Variants in TMLHE observed in about 807,000 individuals in gnomAD.
The protein encoded by TMLHE is trimethyllysine hydroxylase, epsilon, also known as trimethyllysine dioxygenase, mitochondrial.
TMLHE carries 18 observed loss-of-function variants against 25.7 expected under a neutral mutation model. The observed-to-expected ratio is 0.70, with a 90% CI of 0.48 to 1.04. TMLHE has a LOEUF of 1.04. Ranked by LOEUF, TMLHE falls within the 50% of genes least tolerant of loss-of-function variation. TMLHE has a pLI of 0.00. For synonymous variants in TMLHE, 105 were observed against 97.0 expected (o/e 1.08, Z -0.49); for missense variants, 236 against 259.0 (o/e 0.91, Z 0.61).
chrX:155,560,509 G>GTTTTTACTCTGATA (rs1557341658), intron 1 of TMLHE, among the ~76,000 whole-genome samples: 4 of 90,741 alleles, frequency 4.4e-5, no homozygotes, highest in African/African-American at 1.1e-4. Context: ...GCAGTGTGCT[G>GTTTTTACTCTGATA]GAAGTTGGAC....
At chrX:155,588,131 G>A (rs782175578) in intron 1 of TMLHE, among the ~76,000 whole-genome samples, 1 of 111,908 alleles carries the variant, frequency 8.9e-6, no homozygotes, top group Non-Finnish European at 1.9e-5. Flanking sequence ...AAACAGCATG[G>A]CATTGGTATA....
intron 1 of TMLHE, among the ~76,000 whole-genome samples, chrX:155,561,504 C>A (rs1411648098): frequency 1.6e-5 from 1 of 61,263 alleles, no homozygotes; most frequent in African/African-American, 3.6e-5. Context: ...TGGCCCCTCA[C>A]AAATCTCATG....
intron 1 of TMLHE, among the ~76,000 whole-genome samples, chrX:155,548,601 GGCACACACCTGTATTCCCA>G (rs1373848515): frequency 9.2e-6 from 1 of 108,645 alleles, no homozygotes; most frequent in Non-Finnish European, 1.9e-5. Flanking sequence ...CGGGTGTGGT[GGCACACACCTGTATTCCCA>G]GCTACTCAGG....
chrX:155,524,045 A>G (rs1397858534), intron 3 of TMLHE, among the ~76,000 whole-genome samples: 1 of 112,034 alleles, frequency 8.9e-6, no homozygotes. Context: ...CGGTTTTATT[A>G]TAGATTACTT....
At chrX:155,518,830 G>C (rs1238457771) in intron 3 of TMLHE, among the ~76,000 whole-genome samples, 1 of 56,686 alleles carries the variant, frequency 1.8e-5, no homozygotes, top group Non-Finnish European at 4.0e-5. Flanking sequence ...AGTATTCTCT[G>C]ATGGTAGTTT....
intron 1 of TMLHE, among the ~76,000 whole-genome samples, chrX:155,603,131 C>T (rs1464193252): frequency 1.8e-5 from 2 of 111,279 alleles, no homozygotes; most frequent in Non-Finnish European, 3.8e-5. Context: ...GAGTTTGAGA[C>T]CAGCCTGGGC....
At chrX:155,554,927 C>T (rs1039171167) in intron 1 of TMLHE, among the ~76,000 whole-genome samples, 2 of 107,897 alleles carry the variant, frequency 1.9e-5, no homozygotes, top group Admixed American at 2.0e-4. Context: ...ACACGTGCAC[C>T]ATGTGCAGGT....
At chrX:155,537,125 A>G (rs914421083) in intron 2 of TMLHE, among the ~76,000 whole-genome samples, 2 of 112,057 alleles carry the variant, frequency 1.8e-5, no homozygotes, top group Non-Finnish European at 3.8e-5. Flanking sequence ...GACACTATAA[A>G]AGGATTTTAA....
chrX:155,548,534 G>GTTC (rs1569562092), intron 1 of TMLHE, among the ~76,000 whole-genome samples: 1 of 108,812 alleles, frequency 9.2e-6, no homozygotes, highest in Admixed American at 9.6e-5. Context: ...AGCAGTATGA[G>GTTC]GCCAGCCTGA....
chrX:155,580,923 A>C (rs2067623037), intron 1 of TMLHE, among the ~76,000 whole-genome samples: 1 of 112,139 alleles, frequency 8.9e-6, no homozygotes, highest in African/African-American at 3.2e-5. Context: ...AAAAATCCTC[A>C]ATAAAATACT....
chrX:155,560,570 T>C (rs1385566184), intron 1 of TMLHE, among the ~76,000 whole-genome samples: 2 of 55,869 alleles, frequency 3.6e-5, no homozygotes, highest in African/African-American at 7.7e-5. Context: ...TGACATTTGA[T>C]CAAAGGAGGA....
chrX:155,603,807 G>T (rs2124500684), intron 1 of TMLHE, among the ~76,000 whole-genome samples: 1 of 112,269 alleles, frequency 8.9e-6, no homozygotes, highest in African/African-American at 3.2e-5. Flanking sequence ...AGACGTAAAA[G>T]TATAAAACTT....
At chrX:155,507,227 T>G in intron 5 of TMLHE, 93 bp from the exon 6 acceptor site, 4 of 597,540 alleles carry the variant, frequency 6.7e-6, no homozygotes, top group Non-Finnish European at 1.1e-5. Flanking sequence ...TGAAACTACT[T>G]GTCATTTTCT....
chrX:155,552,073 G>A (rs1454181207), intron 1 of TMLHE, among the ~76,000 whole-genome samples: 2 of 109,256 alleles, frequency 1.8e-5, no homozygotes, highest in Non-Finnish European at 3.8e-5. Flanking sequence ...ACTTTGCAAC[G>A]CTGGCATAAA....
At chrX:155,603,271 A>C (rs781822792) in intron 1 of TMLHE, among the ~76,000 whole-genome samples, 1 of 110,704 alleles carries the variant, frequency 9.0e-6, no homozygotes, top group Non-Finnish European at 1.9e-5. Flanking sequence ...TTGAGGATGC[A>C]ATGAGCTGCA....
intron 1 of TMLHE, among the ~76,000 whole-genome samples, chrX:155,548,538 A>T (rs945074894): frequency 3.6e-5 from 4 of 109,608 alleles, no homozygotes; most frequent in Non-Finnish European, 7.6e-5. Context: ...GTATGAGGCC[A>T]GCCTGACTAA....
intron 1 of TMLHE, among the ~76,000 whole-genome samples, chrX:155,573,871 A>G (rs1473510789): frequency 1.1e-5 from 1 of 90,796 alleles, no homozygotes; most frequent in Non-Finnish European, 2.2e-5. Context: ...ATTAGGAGAT[A>G]TAACTAATGC....
rs183909701 is a variant in TMLHE at position 155,512,414 on chromosome X, C to T, written c.639-622G>A. ...ATTCCCACCTATGAGTGAGAATATG[C>T]GGTGTTTGGTTTTTTGTCCTTGCGA... On this transcript the variant is annotated intron_variant, in intron 4 of 7. Coordinates refer to ENST00000334398, the MANE Select transcript of TMLHE (RefSeq NM_018196.4). 3.8e-3 allele frequency among the ~76,000 whole-genome samples: 392 copies of T among 103,081 alleles called. 1 individual carries two copies. The highest frequency in any genetic ancestry group is 0.013 in the African/African-American group (348 of 27,746). 89.5% of individuals were successfully genotyped at this position (103,081 alleles called of 115,157 possible).
At chrX:155,551,939 C>CTT (rs1375564058) in intron 1 of TMLHE, among the ~76,000 whole-genome samples, 4 of 110,112 alleles carry the variant, frequency 3.6e-5, no homozygotes, top group Admixed American at 9.6e-5. Context: ...TGCTAAAAGA[C>CTT]TTTTTCTCTC....
Sources: gnomAD v4.1 joint callset for allele counts (sites outside exome capture counted in the v4.1 genomes callset) on GRCh38, gnomAD v4.1.1 for gene constraint, MANE v1.5 for transcripts, NCBI Gene and HGNC (gene_info 2026-07-23, HGNC 2026-07-21) for gene names.